The following SNAPC3 variants were observed in gnomAD, a reference collection of about 807,000 sequenced individuals.
SNAPC3 encodes small nuclear RNA activating complex polypeptide 3, also known as snRNA-activating protein complex subunit 3.
Under a neutral mutation model 47.7 loss-of-function variants are expected in SNAPC3, and 56 were observed. That is an observed-to-expected ratio of 1.18 (90% CI 0.95 to 1.47). SNAPC3 has a LOEUF of 1.47. Among genes scored for constraint, SNAPC3 ranks in the 40% most tolerant of loss-of-function variants. The probability of loss-of-function intolerance (pLI) is 0.00; values close to 1 mark genes in which losing one functional copy is unlikely to be tolerated. For synonymous variants in SNAPC3, 235 were observed against 189.9 expected (o/e 1.24, Z -1.95); for missense variants, 665 against 511.3 (o/e 1.30, Z -2.90).
chr9:15,465,338 T>TA (rs2035543111), downstream of SNAPC3: 7 of 562,274 alleles, frequency 1.2e-5, no homozygotes, highest in South Asian at 1.8e-4. Flanking sequence ...TAGCTGTTAA[T>TA]ACTGCACAAG....
intron 2 of SNAPC3, among the ~76,000 whole-genome samples, chr9:15,429,378 G>A (rs563789312): frequency 6.6e-6 from 1 of 152,146 alleles, no homozygotes; most frequent in Non-Finnish European, 1.5e-5. Flanking sequence ...ATTGATGACT[G>A]GAAAATTTTC....
chr9:15,423,994 G>A lies in SNAPC3; in HGVS notation c.392+8G>A. 1.3e-6 allele frequency: 2 copies of A among 1,518,656 alleles called. No homozygotes were observed. The highest frequency in any genetic ancestry group is 1.8e-6 in the Non-Finnish European group (2 of 1,124,922). The allele number at this position is 1,518,656 out of a possible 1,614,324, so 94.1% of individuals were successfully genotyped here. On this transcript the variant is annotated splice_region_variant and intron_variant, in intron 2 of 8. Coordinates refer to ENST00000380821, the MANE Select transcript of SNAPC3 (RefSeq NM_001039697.2). ...TGACCTGGTGACTTTGGGGTATGGAGGACTTGGTTTTTATGACCTATTTAT... is the reference window on the plus strand; with the variant it reads ...TGACCTGGTGACTTTGGGGTATGGAAGACTTGGTTTTTATGACCTATTTAT...
At chr9:15,453,340 A>C in intron 7 of SNAPC3, 135 bp downstream of exon 7, 1 of 596,118 alleles carries the variant, frequency 1.7e-6, no homozygotes, top group Non-Finnish European at 2.8e-6. Flanking sequence ...AGCAGCAAAA[A>C]TACTGTCTTC....
intron 3 of SNAPC3, among the ~76,000 whole-genome samples, chr9:15,443,428 T>G (rs1296143957): frequency 6.6e-6 from 1 of 152,166 alleles, no homozygotes; most frequent in East Asian, 1.9e-4. Flanking sequence ...TCTAGGTATA[T>G]TTTCTCTTGT....
Position 15,461,337 on chromosome 9 carries a change from T to C in SNAPC3, c.*1471T>C, listed in dbSNP as rs2035205087. The stretch of plus-strand genomic sequence containing the variant: ...CCACCATGGCGGGCTAATTTTTTTA[T>C]TTCTTGTAGATACAGGGTTTCACTA... On this transcript the variant is annotated 3_prime_UTR_variant, in exon 9 of 9. Transcript: ENST00000380821. The C allele has an allele frequency of 6.6e-6, 1 of 152,218 alleles. No homozygotes were observed. Among genetic ancestry groups the C allele is most frequent in the South Asian group, 2.1e-4 (1 of 4,836 alleles). 9.4% of individuals were successfully genotyped at this position (152,218 alleles called of 1,614,324 possible).
chr9:15,434,674 G>A (rs1005030913), intron 3 of SNAPC3, among the ~76,000 whole-genome samples: 1 of 152,040 alleles, frequency 6.6e-6, no homozygotes, highest in African/African-American at 2.4e-5. Context: ...CCAAAGTGCT[G>A]GGATTACAGT....
intron 2 of SNAPC3, among the ~76,000 whole-genome samples, chr9:15,425,758 C>G (rs1255552158): frequency 6.6e-6 from 1 of 152,204 alleles, no homozygotes; most frequent in Non-Finnish European, 1.5e-5. Context: ...AAATGCACAT[C>G]TGATTGTCAC....
At chr9:15,425,229 A>G (rs766078571) in intron 2 of SNAPC3, among the ~76,000 whole-genome samples, 2 of 151,878 alleles carry the variant, frequency 1.3e-5, no homozygotes, top group Non-Finnish European at 2.9e-5. Context: ...ATGTTACGTT[A>G]TTTTTTTGAG....
At position 15,447,094 on chromosome 9, in the gene SNAPC3, G is replaced by C. The variant is rs1472754424; in HGVS notation, c.583-1G>C. ...ACACTTATTTATTCTTTGACTTTTA[G>C]CACAAAGAACACAAACCATACCAAA... On this transcript the variant is annotated splice_acceptor_variant, in intron 4 of 8. Coordinates refer to ENST00000380821, the MANE Select transcript of SNAPC3 (RefSeq NM_001039697.2). LOFTEE classifies it high-confidence loss of function. 1 of 1,613,122 alleles carries C rather than the reference G, an allele frequency of 6.2e-7. No individual in the cohort carries two copies. Among genetic ancestry groups the C allele is most frequent in the Non-Finnish European group, 8.5e-7 (1 of 1,179,318 alleles).
chr9:15,451,617 A>T (rs1164152668), intron 6 of SNAPC3, among the ~76,000 whole-genome samples: 1 of 152,168 alleles, frequency 6.6e-6, no homozygotes, highest in Non-Finnish European at 1.5e-5. Flanking sequence ...TTTGAGGCCA[A>T]GAGTTCAAGG....
intron 2 of SNAPC3, among the ~76,000 whole-genome samples, chr9:15,433,336 A>T (rs1277622801): frequency 6.6e-6 from 1 of 152,174 alleles, no homozygotes; most frequent in South Asian, 2.1e-4. Flanking sequence ...AGCTAATAAT[A>T]TTGTGTAAGA....
chr9:15,447,523 TTTTG>T (rs2034039769), intron 5 of SNAPC3, among the ~76,000 whole-genome samples: 1 of 151,634 alleles, frequency 6.6e-6, no homozygotes, highest in Non-Finnish European at 1.5e-5. Context: ...TTTTGTTTTT[TTTTG>T]TTTTTTGTTT....
At chr9:15,466,671 A>G (rs1563862768), downstream of SNAPC3, 2 of 1,135,360 alleles carry the variant, frequency 1.8e-6, no homozygotes, top group Non-Finnish European at 2.5e-6. Flanking sequence ...TTATAGTAAG[A>G]TAACCTTGGA....
chr9:15,439,938 T>C (rs2033174613), intron 3 of SNAPC3, among the ~76,000 whole-genome samples: 1 of 152,228 alleles, frequency 6.6e-6, no homozygotes, highest in African/African-American at 2.4e-5. Flanking sequence ...ATGATGGGTT[T>C]ATTGGGGTCT....
chr9:15,441,385 T>TTTC (rs2033355531), intron 3 of SNAPC3, among the ~76,000 whole-genome samples: 1 of 112,454 alleles, frequency 8.9e-6, no homozygotes, highest in Non-Finnish European at 1.7e-5. Context: ...TCCCTTTTCT[T>TTTC]TTTTTTTTTT....
In SNAPC3 at chr9:15,453,099, A is replaced by G; in HGVS notation, c.874A>G (p.Arg292Gly). The G allele has an allele frequency of 6.2e-7, 1 of 1,613,338 alleles. No individual in the cohort carries two copies. Among genetic ancestry groups the G allele is most frequent in the Non-Finnish European group, 8.5e-7 (1 of 1,179,260 alleles). ...DRGYGKFQTA[R>G]MEDFTFNDLC... ...AGGCTATGGAAAGTTTCAGACTGCTAGAATGGAAGATTTCACCTTCAATGA... is the reference window on the plus strand; with the variant it reads ...AGGCTATGGAAAGTTTCAGACTGCTGGAATGGAAGATTTCACCTTCAATGA... The change falls in exon 7 of 9, where the codon AGA becomes GGA. Residue 292 changes from arginine (R) to glycine (G), a missense_variant. Arg to Gly is a moderately radical substitution (Grantham distance 125). Coordinates refer to ENST00000380821, the MANE Select transcript of SNAPC3 (RefSeq NM_001039697.2).
chr9:15,438,046 G>C (rs998995297), intron 3 of SNAPC3, among the ~76,000 whole-genome samples: 10 of 152,168 alleles, frequency 6.6e-5, no homozygotes, highest in Admixed American at 6.5e-5. Flanking sequence ...GAAAGAGTTT[G>C]AGAAACTCTG....
intron 3 of SNAPC3, among the ~76,000 whole-genome samples, chr9:15,436,709 T>C (rs976319964): frequency 5.3e-5 from 8 of 152,234 alleles, no homozygotes; most frequent in African/African-American, 1.4e-4. Flanking sequence ...AGGGATTGCA[T>C]TGAACCTGTA....
intron 7 of SNAPC3, among the ~76,000 whole-genome samples, chr9:15,453,749 C>T (rs2034566883): frequency 6.6e-6 from 1 of 152,164 alleles, no homozygotes; most frequent in African/African-American, 2.4e-5. Context: ...TAAGGCTATT[C>T]ATTTCCTCTT....
Sources: gnomAD v4.1 joint callset for allele counts (sites outside exome capture counted in the v4.1 genomes callset) on GRCh38, gnomAD v4.1.1 for gene constraint, MANE v1.5 for transcripts, NCBI Gene and HGNC (gene_info 2026-07-23, HGNC 2026-07-21) for gene names.